MAP3K4: variants seen among roughly 807,000 people sequenced by gnomAD.
MAP3K4 encodes mitogen-activated protein kinase kinase kinase 4.
Under a neutral mutation model 185.6 loss-of-function variants are expected in MAP3K4, and 67 were observed. The observed-to-expected ratio is 0.36, with a 90% CI of 0.30 to 0.44. MAP3K4 has a LOEUF of 0.44. Ranked by LOEUF, MAP3K4 falls within the 20% of genes least tolerant of loss-of-function variation. The pLI is 1.00. For missense variants in MAP3K4, 1,551 were observed against 1,995.1 expected (o/e 0.78, Z 4.24); for synonymous variants, 702 against 710.4 (o/e 0.99, Z 0.19).
At chr6:161,021,556 C>G (rs1198391480) in intron 1 of MAP3K4, among the ~76,000 whole-genome samples, 1 of 152,200 alleles carries the variant, frequency 6.6e-6, no homozygotes, top group African/African-American at 2.4e-5. Context: ...TCTTTGTTAC[C>G]ATCTTCCTAG....
At chr6:161,062,871 T>TA (rs1784542733) in intron 3 of MAP3K4, among the ~76,000 whole-genome samples, 1 of 150,942 alleles carries the variant, frequency 6.6e-6, no homozygotes, top group Admixed American at 6.6e-5. Flanking sequence ...TAGTTTAGTT[T>TA]GTTTGTTTGT....
Position 161,070,377 on chromosome 6 carries a change from A to G in MAP3K4, c.1708-231A>G, listed in dbSNP as rs185433351. Among the ~76,000 whole-genome samples the G allele has an allele frequency of 7.9e-5, 12 of 152,174 alleles. No homozygotes were observed. In the East Asian group the frequency reaches 2.3e-3, roughly 29 times the overall value. On this transcript the variant is annotated intron_variant, in intron 3 of 26. Transcript: ENST00000392142. This position sits in a 1 kb window ranked among gnomAD's most constrained non-coding sequence, Gnocchi z 4.5. ...ATACTTCTTTGATCAAAGTATTGCA[A>G]TTTGGTTTTGGTTCTCATTATGGTT...
intron 2 of MAP3K4, among the ~76,000 whole-genome samples, chr6:161,044,540 T>C (rs1432034369): frequency 2.0e-5 from 3 of 152,136 alleles, no homozygotes; most frequent in Non-Finnish European, 4.4e-5. Flanking sequence ...AACACCCTAG[T>C]GTTGTTCTCA....
In MAP3K4 at chr6:161,094,727, C is replaced by T. The variant is rs565466517; in HGVS notation, c.3427+876C>T. On this transcript the variant is annotated intron_variant, in intron 15 of 26. Coordinates refer to ENST00000392142, the MANE Select transcript of MAP3K4 (RefSeq NM_005922.4). Reference sequence around the variant, plus strand: ...TTGGTTTTTTAATCTTCAGTTTATACCTCTTTTTCTCCCAAGGTTGTCGTG... The same window carrying T: ...TTGGTTTTTTAATCTTCAGTTTATATCTCTTTTTCTCCCAAGGTTGTCGTG... Among the ~76,000 whole-genome samples the T allele has an allele frequency of 1.2e-4, 19 of 152,280 alleles. No homozygotes were observed. In the East Asian group the frequency reaches 3.5e-3, roughly 28 times the overall value.
intron 1 of MAP3K4, among the ~76,000 whole-genome samples, chr6:161,001,206 A>C (rs1017403727): frequency 6.7e-6 from 1 of 150,220 alleles, no homozygotes; most frequent in South Asian, 2.1e-4. Context: ...CAAATACTGA[A>C]AAATTTACAA....
chr6:161,026,324 A>T (rs1782653262), intron 1 of MAP3K4, among the ~76,000 whole-genome samples: 1 of 151,608 alleles, frequency 6.6e-6, no homozygotes, highest in Non-Finnish European at 1.5e-5. Context: ...TTTAGTAAAG[A>T]CGGGGTTTCA....
rs1052018633 is a variant in MAP3K4 at position 161,078,422 on chromosome 6, T to C, written c.2098-2459T>C. 2.0e-5 allele frequency among the ~76,000 whole-genome samples: 3 copies of C among 152,100 alleles called. 1 individual carries two copies. The highest frequency in any genetic ancestry group is 4.8e-5 in the African/African-American group (2 of 41,410). On this transcript the variant is annotated intron_variant, in intron 5 of 26. Transcript: ENST00000392142. ...CAGTGCAGTTGAAAGGATAAGCCCA[T>C]GGGATCTGAACTGAAGCCAGAGGAA...
At chr6:161,004,946 A>G (rs1183817741) in intron 1 of MAP3K4, among the ~76,000 whole-genome samples, 2 of 152,200 alleles carry the variant, frequency 1.3e-5, no homozygotes, top group Admixed American at 6.5e-5. Flanking sequence ...TGAAACAGAG[A>G]AAACACGATT....
At chr6:161,099,849 C>T (rs1235462577) in intron 17 of MAP3K4, among the ~76,000 whole-genome samples, 1 of 152,204 alleles carries the variant, frequency 6.6e-6, no homozygotes, top group Non-Finnish European at 1.5e-5. Context: ...TTAAATACTA[C>T]AGTTACCCTT....
At chr6:161,095,460 C>A (rs551621780) in intron 15 of MAP3K4, among the ~76,000 whole-genome samples, 2 of 152,290 alleles carry the variant, frequency 1.3e-5, no homozygotes, top group East Asian at 3.9e-4. Flanking sequence ...TACTTTCTTC[C>A]TTTCCCTCTG....
chr6:161,009,009 G>A (rs1318284802), intron 1 of MAP3K4, among the ~76,000 whole-genome samples: 3 of 144,560 alleles, frequency 2.1e-5, no homozygotes, highest in Non-Finnish European at 3.0e-5. Context: ...TTTTTGAGAC[G>A]GAATCTCACT....
chr6:161,060,737 A>G (rs1022814347), intron 3 of MAP3K4, among the ~76,000 whole-genome samples: 1 of 149,458 alleles, frequency 6.7e-6, no homozygotes, highest in Admixed American at 6.8e-5. Context: ...CTCGTGCCTC[A>G]GCCTCCTGAG....
chr6:161,040,821 A>G (rs1024841330), intron 2 of MAP3K4, among the ~76,000 whole-genome samples: 4 of 152,248 alleles, frequency 2.6e-5, no homozygotes, highest in African/African-American at 9.6e-5. Flanking sequence ...GTAAGAGGAT[A>G]TTATCTTTGT....
At chr6:161,045,983 T>A (rs62435485) in intron 2 of MAP3K4, among the ~76,000 whole-genome samples, 3,075 of 152,294 alleles carry the variant, frequency 0.02, 39 homozygotes, top group South Asian at 0.035. Context: ...TTAAATAATA[T>A]CTGTACATAC....
rs1784223262 is a variant in MAP3K4 at position 161,056,093 on chromosome 6, T to C, written c.1707+6114T>C. ...TTTGTTGCTCAGGCTGTTCTTGTTT[T>C]AGCCCATTGGAGCTCTTTCAGTTGC... is the stretch of plus-strand genomic sequence containing the variant. On this transcript the variant is annotated intron_variant, in intron 3 of 26. Coordinates refer to ENST00000392142, the MANE Select transcript of MAP3K4 (RefSeq NM_005922.4). The surrounding 1 kb of genome is among the most constrained non-coding windows in gnomAD (Gnocchi z 5.4). 6.6e-6 allele frequency among the ~76,000 whole-genome samples: 1 copy of C among 152,258 alleles called. No individual in the cohort carries two copies. Among genetic ancestry groups the C allele is most frequent in the Non-Finnish European group, 1.5e-5 (1 of 68,046 alleles).
At chr6:161,004,666 T>A (rs919218195) in intron 1 of MAP3K4, among the ~76,000 whole-genome samples, 1 of 152,120 alleles carries the variant, frequency 6.6e-6, no homozygotes, top group African/African-American at 2.4e-5. Flanking sequence ...GGATCGTGGG[T>A]TACCAAGAAA....
In MAP3K4 at chr6:161,103,588, GGAGA is replaced by G. The variant is rs1777923861; in HGVS notation, c.3856+811_3856+814del. Among the ~76,000 whole-genome samples the G allele has an allele frequency of 2.0e-5, 3 of 152,152 alleles. No individual in the cohort carries two copies. The highest frequency in any genetic ancestry group is 7.2e-5 in the African/African-American group (3 of 41,442). On this transcript the variant is annotated intron_variant, in intron 19 of 26. Transcript: ENST00000392142. The surrounding 1 kb of genome is among the most constrained non-coding windows in gnomAD (Gnocchi z 4.6). ...CGCAGATGCCAATGCAGGAGAAACTGGAGAGTGAGGGGAGATCAGATCATGGACA... is the reference window on the plus strand; with the variant it reads ...CGCAGATGCCAATGCAGGAGAAACTGGTGAGGGGAGATCAGATCATGGACA...
chr6:161,050,482 C>G (rs1783952300), intron 3 of MAP3K4, among the ~76,000 whole-genome samples: 1 of 152,138 alleles, frequency 6.6e-6, no homozygotes, highest in African/African-American at 2.4e-5. Flanking sequence ...TCAGAATGAT[C>G]AAGGGGAAAA....
chr6:161,038,983 G>A (rs975476955), intron 2 of MAP3K4, among the ~76,000 whole-genome samples: 4 of 152,106 alleles, frequency 2.6e-5, no homozygotes, highest in East Asian at 1.9e-4. Flanking sequence ...CTTCTTACAC[G>A]GCAGCTGTCT....
Sources: gnomAD v4.1 joint callset for allele counts (sites outside exome capture counted in the v4.1 genomes callset) on GRCh38, gnomAD v4.1.1 for gene constraint, Gnocchi (gnomAD v3.1) non-coding constraint, MANE v1.5 for transcripts, NCBI Gene and HGNC (gene_info 2026-07-23, HGNC 2026-07-21) for gene names.